The following PHF23 variants were observed in gnomAD, a reference collection of about 807,000 sequenced individuals.
PHF23 encodes the protein PHD finger protein 23.
In PHF23, 3 loss-of-function variants were observed where a neutral mutation model predicts 36.0. The ratio of observed to expected loss-of-function variants is 0.08; its 90% CI spans 0.04 to 0.22. The LOEUF is 0.22. Among genes scored for constraint, PHF23 ranks in the 10% least tolerant of loss-of-function variants. The pLI, the probability that PHF23 is intolerant of heterozygous loss-of-function variation, is 1.00. For synonymous variants in PHF23, 242 were observed against 192.5 expected (o/e 1.26, Z -2.13); for missense variants, 475 against 513.6 (o/e 0.92, Z 0.73).
Position 7,236,581 on chromosome 17 carries a change from A to T in PHF23, c.346T>A (p.Phe116Ile). The change falls in exon 4 of 5, where the codon TTC becomes ATC. Residue 116 changes from phenylalanine (F) to isoleucine (I), a missense_variant. Physicochemically the swap from Phe to Ile is conservative, Grantham distance 21. Coordinates refer to ENST00000320316, the MANE Select transcript of PHF23 (RefSeq NM_024297.3). The surrounding 1 kb of genome is among the most constrained non-coding windows in gnomAD (Gnocchi z 5.1). ...CTGTCGGGGGCCTGCAGACGAGAGA[A>T]AGTGGACCTTGGGGGTCCTGGCTGG... is the stretch of plus-strand genomic sequence containing the variant. ...PTQPGPPRST[F>I]SRLQAPDSAT... 1 of 1,614,156 alleles carries T rather than the reference A, an allele frequency of 6.2e-7. No homozygotes were observed. The highest frequency in any genetic ancestry group is 8.5e-7 in the Non-Finnish European group (1 of 1,180,028).
chr17:7,239,155 G>A (rs1200771453), intron 1 of PHF23, 91 bp downstream of exon 1: 2 of 1,047,318 alleles, frequency 1.9e-6, no homozygotes, highest in Admixed American at 2.2e-5. Flanking sequence ...GAACTCCCCC[G>A]CTGGGCTCCG....
rs2071692594 is a variant in PHF23, at chr17:7,237,465, G to T, written c.79C>A (p.Arg27=). Residue 27 remains arginine (R), a synonymous_variant, in exon 3 of 5, where the codon CGG becomes AGG. Coordinates refer to ENST00000320316, the MANE Select transcript of PHF23 (RefSeq NM_024297.3). ...LKPETQPPEK[R]RRTIEDFNKF... ...TTGAAATCCTCAATTGTTCTCCGCC[G>T]TTTCTCTGGTGGCTGAAAGGAAGGA... 6.2e-7 allele frequency: 1 copy of T among 1,613,948 alleles called. No homozygotes were observed. Among genetic ancestry groups the T allele is most frequent in the Non-Finnish European group, 8.5e-7 (1 of 1,179,928 alleles).
intron 1 of PHF23, chr17:7,238,549 G>A: frequency 9.4e-7 from 1 of 1,065,028 alleles, no homozygotes; most frequent in African/African-American, 2.4e-5. Flanking sequence ...CGCTGCTGCC[G>A]CCGATGCCCC....
rs760738752 is a variant in PHF23 at position 7,235,403 on chromosome 17, A to G, written c.*223T>C. On this transcript the variant is annotated 3_prime_UTR_variant, in exon 5 of 5. Coordinates refer to ENST00000320316, the MANE Select transcript of PHF23 (RefSeq NM_024297.3). ...AGAGATTATGTGTCGGGACACAGAC[A>G]GCCTCCCATCCCCAACCGTAATGGA... is the stretch of plus-strand genomic sequence containing the variant. 1.8e-6 allele frequency: 1 copy of G among 567,484 alleles called. No homozygotes were observed. Among genetic ancestry groups the G allele is most frequent in the Non-Finnish European group, 3.1e-6 (1 of 317,854 alleles). The allele number at this position is 567,484 out of a possible 1,614,324, so 35.2% of individuals were successfully genotyped here. A position where few individuals can be genotyped will look rare whatever the true frequency, so the allele number is the denominator to read the frequency against.
At chr17:7,237,355 G>C (rs764304902) in intron 3 of PHF23, 30 bp downstream of exon 3, 3 of 1,560,316 alleles carry the variant, frequency 1.9e-6, no homozygotes, top group South Asian at 1.1e-5. Context: ...CACCACACCA[G>C]CCTCAAGTCA....
chr17:7,235,644 G>C lies in PHF23; in HGVS notation c.1194C>G (p.Pro398=). ...GGTGCCATCAGGGCTCTCCAGATTT[G>C]GGAGGCCCCCCTAACCGCCGGGCCT... is the stretch of plus-strand genomic sequence containing the variant. ...RPEARRLGGP[P]KSGEP Residue 398 remains proline, a synonymous_variant, in exon 5 of 5, where the codon CCC becomes CCG. Transcript: ENST00000320316. 3.7e-6 allele frequency: 6 copies of C among 1,613,656 alleles called. No homozygotes were observed. Among genetic ancestry groups the C allele is most frequent in the Non-Finnish European group, 2.5e-6 (3 of 1,180,012 alleles).
Position 7,236,422 on chromosome 17 carries a change from G to A in PHF23, c.505C>T (p.Leu169Phe). The change falls in exon 4 of 5, where the codon CTT becomes TTT. Residue 169 changes from leucine (L) to phenylalanine (F), a missense_variant. Transcript: ENST00000320316. This position sits in a 1 kb window ranked among gnomAD's most constrained non-coding sequence, Gnocchi z 5.1. ...RPPAALTPVP[L>F]SQGDLSHPPR... is the part of the protein sequence containing the mutation. ...GGATGGGAGAGGTCCCCCTGGGAAA[G>A]GGGCACGGGGGTAAGAGCAGCAGGG... 1.2e-6 allele frequency: 2 copies of A among 1,613,792 alleles called. No homozygotes were observed. The highest frequency in any genetic ancestry group is 1.7e-6 in the Non-Finnish European group (2 of 1,179,952).
At position 7,236,883 on chromosome 17, in the gene PHF23, C is replaced by T; in HGVS notation, c.160-116G>A. ...ACCCCAAAATGTCCTACCTCAACCACTAAATCCCACTGTACTCCAAAAACT... is the reference window on the plus strand; with the variant it reads ...ACCCCAAAATGTCCTACCTCAACCATTAAATCCCACTGTACTCCAAAAACT... On this transcript the variant is annotated intron_variant, in intron 3 of 4. Transcript: ENST00000320316. The surrounding 1 kb of genome is among the most constrained non-coding windows in gnomAD (Gnocchi z 5.1). The T allele has an allele frequency of 1.4e-6, 2 of 1,457,684 alleles. No individual in the cohort carries two copies. Among genetic ancestry groups the T allele is most frequent in the African/African-American group, 1.4e-5 (1 of 70,286 alleles). 90.3% of individuals were successfully genotyped at this position (1,457,684 alleles called of 1,614,324 possible).
In PHF23 at chr17:7,239,381, G is replaced by A. The variant is rs1318249101; in HGVS notation, c.-102C>T. ...GCTCCCACTGCTTCGCTCCACAGAAGTGTCCGCCTCAGCCCGGTTGAGACT... is the reference window on the plus strand; with the variant it reads ...GCTCCCACTGCTTCGCTCCACAGAAATGTCCGCCTCAGCCCGGTTGAGACT... On this transcript the variant is annotated 5_prime_UTR_variant, in exon 1 of 5. Coordinates refer to ENST00000320316, the MANE Select transcript of PHF23 (RefSeq NM_024297.3). The A allele has an allele frequency of 1.6e-6, 1 of 622,352 alleles. No individual in the cohort carries two copies. Among genetic ancestry groups the A allele is most frequent in the African/African-American group, 1.9e-5 (1 of 53,684 alleles). The allele number at this position is 622,352 out of a possible 1,614,324, so 38.6% of individuals were successfully genotyped here. A position where few individuals can be genotyped will look rare whatever the true frequency, so the allele number is the denominator to read the frequency against.
In PHF23 at chr17:7,239,250, G is replaced by C; in HGVS notation, c.30C>G (p.Pro10=). The change falls in exon 1 of 5, where the codon CCC becomes CCG. Residue 10 remains proline (P), a synonymous_variant. Coordinates refer to ENST00000320316, the MANE Select transcript of PHF23 (RefSeq NM_024297.3). ...CTGCACCGGTCGAGAGCTCACCTTC[G>C]GGACTGGGCTCCGCCATGGCTTCCA... The part of the protein sequence containing the change: MLEAMAEPS[P]EDPPPTLKPE... 3.2e-6 allele frequency: 5 copies of C among 1,541,014 alleles called. No homozygotes were observed. Among genetic ancestry groups the C allele is most frequent in the East Asian group, 2.3e-5 (1 of 42,678 alleles).
chr17:7,237,344 C>A, intron 3 of PHF23, 41 bp downstream of exon 3: 1 of 1,512,816 alleles, frequency 6.6e-7, no homozygotes, highest in Non-Finnish European at 9.2e-7. Context: ...CTCTATAGTC[C>A]CACCACACCA....
intron 3 of PHF23, 123 bp downstream of exon 3, chr17:7,237,262 T>G: frequency 1.1e-6 from 1 of 903,240 alleles, no homozygotes; most frequent in South Asian, 1.6e-5. Flanking sequence ...GTCTCCAACT[T>G]CCCTGGTCTT....
Position 7,236,807 on chromosome 17 carries a change from T to C in PHF23, c.160-40A>G, listed in dbSNP as rs771593176. 12 of 1,566,288 alleles carry C rather than the reference T, an allele frequency of 7.7e-6. No individual in the cohort carries two copies. The highest frequency in any genetic ancestry group is 2.4e-5 in the South Asian group (2 of 83,974). On this transcript the variant is annotated intron_variant, in intron 3 of 4. Coordinates refer to ENST00000320316, the MANE Select transcript of PHF23 (RefSeq NM_024297.3). This position sits in a 1 kb window ranked among gnomAD's most constrained non-coding sequence, Gnocchi z 5.1. Reference sequence around the variant, plus strand: ...GAGACCAGGGTCAGCAGAACCCCAGTGTCATCTCAGCCCCTCCACAAACCC... The same window carrying C: ...GAGACCAGGGTCAGCAGAACCCCAGCGTCATCTCAGCCCCTCCACAAACCC...
rs2071675330 is a variant in PHF23, at chr17:7,236,590, T to C, written c.337A>G (p.Arg113Gly). 2.5e-6 allele frequency: 4 copies of C among 1,614,164 alleles called. No individual in the cohort carries two copies. Among genetic ancestry groups the C allele is most frequent in the Admixed American group, 3.3e-5 (2 of 60,024 alleles). Residue 113 changes from arginine (R) to glycine (G), a missense_variant, in exon 4 of 5, where the codon AGG becomes GGG. By Grantham distance (125) the Arg-to-Gly change is moderately radical. Coordinates refer to ENST00000320316, the MANE Select transcript of PHF23 (RefSeq NM_024297.3). This position sits in a 1 kb window ranked among gnomAD's most constrained non-coding sequence, Gnocchi z 5.1. ...GCCTGCAGACGAGAGAAAGTGGACC[T>C]TGGGGGTCCTGGCTGGGTGGGACCT... Reference protein sequence around the residue: ...QAGPTQPGPPRSTFSRLQAPD... With the variant: ...QAGPTQPGPPGSTFSRLQAPD...
rs955229802 is a variant in PHF23 at position 7,236,756 on chromosome 17, C to G, written c.171G>C (p.Trp57Cys). Residue 57 changes from tryptophan to cysteine, a missense_variant, in exon 4 of 5, where the codon TGG becomes TGC. Transcript: ENST00000320316. The surrounding 1 kb of genome is among the most constrained non-coding windows in gnomAD (Gnocchi z 5.1). Reference protein sequence around the residue: ...YIPPSKEESDWPASGSSSPLR... With the variant: ...YIPPSKEESDCPASGSSSPLR... ...ATGGAGAGCTGGAGCCAGAGGCTGG[C>G]CAGTCACTTTCCTTAAAAGGGGGAA... 1 of 1,610,470 alleles carries G rather than the reference C, an allele frequency of 6.2e-7. No homozygotes were observed. Among genetic ancestry groups the G allele is most frequent in the Non-Finnish European group, 8.5e-7 (1 of 1,178,216 alleles).
chr17:7,235,770 G>A lies in PHF23; in HGVS notation c.1068C>T (p.Cys356=). The A allele has an allele frequency of 6.2e-7, 1 of 1,614,144 alleles. No individual in the cohort carries two copies. Among genetic ancestry groups the A allele is most frequent in the Non-Finnish European group, 8.5e-7 (1 of 1,180,042 alleles). Residue 356 remains cysteine, a synonymous_variant, in exon 5 of 5, where the codon TGC becomes TGT. Transcript: ENST00000320316. ...KPFAGRPMIE[C]SLCGTWIHLS... ...GGTGGATCCACGTCCCACACAGGCT[G>A]CACTCAATCATGGGCCGCCCTGCAA...
rs368961145 is a variant in PHF23, at chr17:7,237,699, C to A, written c.35-39G>T. 5.5e-4 allele frequency: 889 copies of A among 1,610,782 alleles called. 7 individuals carry two copies. The highest frequency in any genetic ancestry group is 2.3e-3 in the South Asian group (208 of 91,014). ...AAAAGCTGAGTCAAGACACTAGGAA[C>A]AATCTGTGTAAAACTCCCCCTCTAA... On this transcript the variant is annotated intron_variant, in intron 1 of 4. Coordinates refer to ENST00000320316, the MANE Select transcript of PHF23 (RefSeq NM_024297.3).
rs2071676139 is a variant in PHF23, at chr17:7,236,648, T to C, written c.279A>G (p.Lys93=). The C allele has an allele frequency of 6.2e-7, 1 of 1,614,032 alleles. No homozygotes were observed. ...CTGCCCTTCTCTTGGATGACTTTGC[T>C]TTCTTAACAAAAGTCTGGATGGTTC... ...DLRTIQTFVK[K]AKSSKRRAAQ... Residue 93 remains lysine (K), a synonymous_variant, in exon 4 of 5, where the codon AAA becomes AAG. Transcript: ENST00000320316. The surrounding 1 kb of genome is among the most constrained non-coding windows in gnomAD (Gnocchi z 5.1).
intron 1 of PHF23, 156 bp from the exon 2 acceptor site, chr17:7,237,816 C>G (rs958354912): frequency 1.2e-5 from 10 of 824,464 alleles, no homozygotes; most frequent in Admixed American, 8.0e-5. Flanking sequence ...CCCGGCTCCC[C>G]CTTCCGCCCC....
Sources: gnomAD v4.1 joint callset for allele counts on GRCh38, gnomAD v4.1.1 for gene constraint, Gnocchi (gnomAD v3.1) non-coding constraint, MANE v1.5 for transcripts, NCBI Gene and HGNC (gene_info 2026-07-23, HGNC 2026-07-21) for gene names.